SEMA3A: variants seen among roughly 807,000 people sequenced by gnomAD.
The protein encoded by SEMA3A is semaphorin-3A.
SEMA3A carries 29 observed loss-of-function variants against 97.9 expected under a neutral mutation model. That is an observed-to-expected ratio of 0.30 (90% CI 0.22 to 0.40). SEMA3A has a LOEUF of 0.40. Among genes scored for constraint, SEMA3A ranks in the 10% least tolerant of loss-of-function variants. The pLI, the probability that SEMA3A is intolerant of heterozygous loss-of-function variation, is 1.00. For synonymous variants in SEMA3A, 321 were observed against 323.7 expected (o/e 0.99, Z 0.09); for missense variants, 763 against 951.3 (o/e 0.80, Z 2.60).
chr7:84,048,421 G>A (rs902528738), intron 5 of SEMA3A, among the ~76,000 whole-genome samples: 2 of 151,798 alleles, frequency 1.3e-5, no homozygotes, highest in African/African-American at 4.8e-5. Flanking sequence ...TTTTTATTAA[G>A]GGTAATATCT....
chr7:84,312,273 GAAAATTGCTGC>G (rs1801343528), intron 2 of SEMA3A, among the ~76,000 whole-genome samples: 1 of 151,694 alleles, frequency 6.6e-6, no homozygotes, highest in African/African-American at 2.4e-5. Context: ...GATTCTTTAG[GAAAATTGCTGC>G]CTTAAATAAA....
chr7:84,186,032 C>A (rs1797873748), intron 1 of SEMA3A, among the ~76,000 whole-genome samples: 1 of 152,140 alleles, frequency 6.6e-6, no homozygotes, highest in African/African-American at 2.4e-5. Context: ...AAGTTCCTAG[C>A]CTGCTATGCT....
chr7:84,467,623 A>G (rs1433207582), intron 1 of SEMA3A, among the ~76,000 whole-genome samples: 1 of 149,892 alleles, frequency 6.7e-6, no homozygotes, highest in East Asian at 2.0e-4. Context: ...CAATTTCTTT[A>G]TGATCTTGCC....
At chr7:84,250,606 TA>T (rs1799584777) in intron 3 of SEMA3A, among the ~76,000 whole-genome samples, 2 of 152,182 alleles carry the variant, frequency 1.3e-5, no homozygotes, top group African/African-American at 4.8e-5. Flanking sequence ...ACAGTGTGTT[TA>T]AAAAATTGTT....
intron 9 of SEMA3A, among the ~76,000 whole-genome samples, chr7:84,008,490 CAAAA>C (rs752729583): frequency 3.7e-5 from 3 of 81,164 alleles, no homozygotes; most frequent in East Asian, 6.2e-4. Flanking sequence ...GACTCCGTCT[CAAAA>C]AAAAAAAAAA....
At chr7:84,181,225 TAAAA>T (rs1797725957) in intron 1 of SEMA3A, among the ~76,000 whole-genome samples, 1 of 151,370 alleles carries the variant, frequency 6.6e-6, no homozygotes, top group South Asian at 2.1e-4. Context: ...TAGCATATGA[TAAAA>T]ATATTTTATC....
At chr7:84,475,409 T>C (rs1447311187) in intron 1 of SEMA3A, among the ~76,000 whole-genome samples, 2 of 152,158 alleles carry the variant, frequency 1.3e-5, no homozygotes, top group Non-Finnish European at 2.9e-5. Flanking sequence ...AAAAAATTCA[T>C]AGGAAACAGA....
chr7:84,233,282 C>T (rs1223656167), intron 3 of SEMA3A, among the ~76,000 whole-genome samples: 1 of 151,966 alleles, frequency 6.6e-6, no homozygotes, highest in African/African-American at 2.4e-5. Flanking sequence ...AGCAGAAACA[C>T]TGATAAACAT....
chr7:84,350,002 C>T (rs556948231), intron 2 of SEMA3A, among the ~76,000 whole-genome samples: 1 of 152,138 alleles, frequency 6.6e-6, no homozygotes, highest in East Asian at 1.9e-4. Flanking sequence ...AAAAAACATC[C>T]TCTCTGCCCC....
At chr7:84,081,594 T>TAAA (rs5885397) in intron 4 of SEMA3A, among the ~76,000 whole-genome samples, 6 of 113,968 alleles carry the variant, frequency 5.3e-5, no homozygotes, top group African/African-American at 9.9e-5. Context: ...CTCCGTCTCT[T>TAAA]AAAAAAAAAA....
chr7:84,134,260 C>T (rs965779681), intron 2 of SEMA3A, among the ~76,000 whole-genome samples: 3 of 151,990 alleles, frequency 2.0e-5, no homozygotes, highest in Admixed American at 1.3e-4. Context: ...TTTTGTAGAC[C>T]AGTTGATACC....
chr7:84,003,793 G>C (rs1790553021), intron 11 of SEMA3A, among the ~76,000 whole-genome samples: 1 of 152,036 alleles, frequency 6.6e-6, no homozygotes. Context: ...ATTTACCCAA[G>C]AGAAATACTA....
chr7:84,160,917 T>C (rs1345290947), intron 1 of SEMA3A, among the ~76,000 whole-genome samples: 1 of 151,600 alleles, frequency 6.6e-6, no homozygotes, highest in Non-Finnish European at 1.5e-5. Context: ...AATAATTCCA[T>C]AGGATAGGTA....
At chr7:84,184,669 T>C (rs571659305) in intron 1 of SEMA3A, among the ~76,000 whole-genome samples, 78 of 152,200 alleles carry the variant, frequency 5.1e-4, no homozygotes, top group African/African-American at 1.8e-3. Flanking sequence ...AGAAGGCAAT[T>C]ATATTGGGGG....
At chr7:84,091,135 AGAAG>A (rs1272289412) in intron 4 of SEMA3A, among the ~76,000 whole-genome samples, 1,306 of 50,948 alleles carry the variant, frequency 0.026, 103 homozygotes, top group African/African-American at 0.055. Context: ...AAAGAAAGAA[AGAAG>A]GAAGGAAGGA....
At chr7:84,000,043 A>C (rs1201184709) in intron 12 of SEMA3A, among the ~76,000 whole-genome samples, 1 of 152,014 alleles carries the variant, frequency 6.6e-6, no homozygotes, top group African/African-American at 2.4e-5. Context: ...CACTCATTTA[A>C]TACATGTTGG....
chr7:84,225,533 T>C (rs955541945), intron 3 of SEMA3A, among the ~76,000 whole-genome samples: 1 of 152,124 alleles, frequency 6.6e-6, no homozygotes, highest in Non-Finnish European at 1.5e-5. Context: ...AAAGAATGAA[T>C]GCAGAAGAGG....
At chr7:84,268,229 T>G (rs1460760247) in intron 3 of SEMA3A, among the ~76,000 whole-genome samples, 1 of 149,966 alleles carries the variant, frequency 6.7e-6, no homozygotes, top group Admixed American at 6.7e-5. Flanking sequence ...AAAGAAAGAT[T>G]TTTCCTGAGA....
intron 1 of SEMA3A, among the ~76,000 whole-genome samples, chr7:84,406,462 C>A (rs1428820118): frequency 2.6e-5 from 4 of 152,154 alleles, no homozygotes; most frequent in African/African-American, 4.8e-5. Context: ...CCGAATTCTA[C>A]CAGAGGTACA....
Sources: allele counts gnomAD v4.1 joint callset (sites outside exome capture counted in the v4.1 genomes callset), GRCh38; gene constraint gnomAD v4.1.1; transcripts MANE v1.5; gene names NCBI Gene and HGNC (gene_info 2026-07-23, HGNC 2026-07-21).